The following NCK1 variants were observed in gnomAD, a reference collection of about 807,000 sequenced individuals.
NCK1 encodes the protein NCK adaptor protein 1, also known as SH2/SH3 adapter protein NCK1.
NCK1 carries 19 observed loss-of-function variants against 36.6 expected under a neutral mutation model. That is an observed-to-expected ratio of 0.52 (90% CI 0.36 to 0.76). The LOEUF (loss-of-function observed/expected upper bound fraction) is 0.76. Among genes scored for constraint, NCK1 ranks in the 30% least tolerant of loss-of-function variants. The pLI, the probability that NCK1 is intolerant of heterozygous loss-of-function variation, is 0.00. For missense variants in NCK1, 358 were observed against 445.6 expected (o/e 0.80, Z 1.77); for synonymous variants, 165 against 156.0 (o/e 1.06, Z -0.43).
At chr3:136,883,068 G>A (rs554865832) in intron 1 of NCK1, among the ~76,000 whole-genome samples, 76 of 152,186 alleles carry the variant, frequency 5.0e-4, no homozygotes, top group African/African-American at 1.7e-3. Flanking sequence ...ACAGGCATGC[G>A]CCACCACACC....
At chr3:136,942,132 C>G (rs1387111010) in intron 2 of NCK1, among the ~76,000 whole-genome samples, 1 of 152,194 alleles carries the variant, frequency 6.6e-6, no homozygotes, top group Non-Finnish European at 1.5e-5. Flanking sequence ...GCCCCTGTGC[C>G]CAGCCTCTCT....
rs555425338 is a variant in NCK1 at position 136,937,700 on chromosome 3, G to A, written c.227-7883G>A. Among the ~76,000 whole-genome samples the A allele has an allele frequency of 2.0e-4, 31 of 152,222 alleles. No homozygotes were observed. The South Asian group carries it at 5.6e-3, about 27-fold the overall frequency. ...TATGTATCTTATTCTTCTTAATGCT[G>A]TTATAAATGGATTATTTTCTTAATT... On this transcript the variant is annotated intron_variant, in intron 2 of 3. Transcript: ENST00000481752.
At chr3:136,911,778 T>C (rs973416135) in intron 1 of NCK1, among the ~76,000 whole-genome samples, 1 of 152,212 alleles carries the variant, frequency 6.6e-6, no homozygotes, top group African/African-American at 2.4e-5. Flanking sequence ...GTAATGAATT[T>C]CCTTAACTTT....
intron 1 of NCK1, among the ~76,000 whole-genome samples, chr3:136,921,468 A>G (rs530924096): frequency 4.9e-4 from 75 of 152,304 alleles, no homozygotes; most frequent in African/African-American, 1.7e-3. Flanking sequence ...TGCTTTATGC[A>G]GGGATGTGTG....
At chr3:136,894,202 A>G (rs992193209) in intron 1 of NCK1, among the ~76,000 whole-genome samples, 6 of 152,162 alleles carry the variant, frequency 3.9e-5, no homozygotes, top group Non-Finnish European at 2.9e-5. Flanking sequence ...GTGAACCCCT[A>G]CTGTGGAAGC....
At chr3:136,945,076 G>A (rs1179811541) in intron 2 of NCK1, among the ~76,000 whole-genome samples, 2 of 152,192 alleles carry the variant, frequency 1.3e-5, no homozygotes, top group East Asian at 1.9e-4. Context: ...TGGGAACCAA[G>A]AAAGCAAATG....
In NCK1 at chr3:136,950,692, T is replaced by A. The variant is rs1053208777; in HGVS notation, c.*2239T>A. Among the ~76,000 whole-genome samples the A allele has an allele frequency of 2.0e-5, 3 of 152,170 alleles. No homozygotes were observed. Among genetic ancestry groups the A allele is most frequent in the Admixed American group, 6.5e-5 (1 of 15,268 alleles). ...AAACCAAGTTTCCTTATTCCCAGCC[T>A]GGTGTCTGTATCGTGACACACTACT... On this transcript the variant is annotated 3_prime_UTR_variant, in exon 4 of 4. Transcript: ENST00000481752.
chr3:136,885,423 G>A (rs903192747), intron 1 of NCK1, among the ~76,000 whole-genome samples: 7 of 152,120 alleles, frequency 4.6e-5, no homozygotes, highest in Non-Finnish European at 7.4e-5. Context: ...TAACTCTTCA[G>A]CTCCTTACGT....
At chr3:136,887,578 A>G (rs1032859745) in intron 1 of NCK1, among the ~76,000 whole-genome samples, 1 of 152,216 alleles carries the variant, frequency 6.6e-6, no homozygotes, top group Non-Finnish European at 1.5e-5. Flanking sequence ...CCAGTTACAT[A>G]TAATTGGTGA....
At chr3:136,920,257 A>T (rs10935209) in intron 1 of NCK1, among the ~76,000 whole-genome samples, 103,907 of 151,434 alleles carry the variant, frequency 0.69, 35,846 homozygotes, top group East Asian at 0.87. Flanking sequence ...CTTTTTTTTT[A>T]AAAAATAGTG....
intron 1 of NCK1, among the ~76,000 whole-genome samples, chr3:136,894,066 TG>T (rs1939329070): frequency 6.6e-6 from 1 of 152,212 alleles, no homozygotes; most frequent in Admixed American, 6.5e-5. Context: ...AATCTCATTG[TG>T]TACAACAGGT....
Position 136,881,804 on chromosome 3 carries a change from A to G in NCK1, c.-19+19451A>G, listed in dbSNP as rs529753629. 3.3e-5 allele frequency among the ~76,000 whole-genome samples: 5 copies of G among 152,242 alleles called. No homozygotes were observed. In the South Asian group the frequency reaches 1.0e-3, roughly 32 times the overall value. ...CATATTGTCTTTCCGTGGCTGGCTT[A>G]TTTCACTTAATGTCTTGAAGGTTCA... is the stretch of plus-strand genomic sequence containing the variant. On this transcript the variant is annotated intron_variant, in intron 1 of 3. Coordinates refer to ENST00000481752, the MANE Select transcript of NCK1 (RefSeq NM_001291999.2).
chr3:136,938,870 T>C (rs1381749125), intron 2 of NCK1, among the ~76,000 whole-genome samples: 2 of 152,226 alleles, frequency 1.3e-5, no homozygotes, highest in East Asian at 1.9e-4. Flanking sequence ...TTATAGAACA[T>C]AACTACTGCA....
chr3:136,871,448 T>C (rs146373878), intron 1 of NCK1, among the ~76,000 whole-genome samples: 43 of 152,142 alleles, frequency 2.8e-4, no homozygotes, highest in African/African-American at 1.0e-3. Flanking sequence ...TAAATGTTTA[T>C]TGAAAACTGC....
intron 1 of NCK1, among the ~76,000 whole-genome samples, chr3:136,893,147 AGTGTGTGT>A (rs142883729): frequency 2.4e-5 from 1 of 41,940 alleles, no homozygotes. Context: ...AATATTCCAT[AGTGTGTGT>A]GTGTGTGTGT....
At chr3:136,934,150 T>G (rs1940462958) in intron 2 of NCK1, among the ~76,000 whole-genome samples, 2 of 152,072 alleles carry the variant, frequency 1.3e-5, no homozygotes. Context: ...TTTTATGAAT[T>G]TATTTTTTTA....
intron 1 of NCK1, among the ~76,000 whole-genome samples, chr3:136,926,509 T>C (rs1940243392): frequency 1.3e-5 from 2 of 152,058 alleles, no homozygotes; most frequent in Admixed American, 1.3e-4. Context: ...TCTCCTGAAC[T>C]TGTGATTCAC....
At chr3:136,930,676 C>G (rs1940367954) in intron 2 of NCK1, 2 of 1,196,050 alleles carry the variant, frequency 1.7e-6, no homozygotes, top group Admixed American at 6.3e-5. Flanking sequence ...TAAAGGAAAA[C>G]TCTTATTTGG....
intron 1 of NCK1, among the ~76,000 whole-genome samples, chr3:136,883,630 C>A (rs1560034661): frequency 6.6e-6 from 1 of 152,004 alleles, no homozygotes; most frequent in South Asian, 2.1e-4. Flanking sequence ...CTGTTGTATC[C>A]CTGCATTAAT....
Sources: allele counts gnomAD v4.1 joint callset (sites outside exome capture counted in the v4.1 genomes callset), GRCh38; gene constraint gnomAD v4.1.1; transcripts MANE v1.5; gene names NCBI Gene and HGNC (gene_info 2026-07-23, HGNC 2026-07-21).